Variants in IDE observed in about 807,000 individuals in gnomAD.
The protein encoded by IDE is insulin-degrading enzyme.
IDE carries 58 observed loss-of-function variants against 133.2 expected under a neutral mutation model. The ratio of observed to expected loss-of-function variants is 0.44; its 90% confidence interval spans 0.35 to 0.54. The LOEUF (loss-of-function observed/expected upper bound fraction) is 0.54, where lower values mean the gene tolerates loss of function less well. IDE is among the 20% of genes least tolerant of loss of function. The probability of loss-of-function intolerance (pLI) is 0.00; values close to 1 mark genes in which losing one functional copy is unlikely to be tolerated. For synonymous variants in IDE, 396 were observed against 421.3 expected, an observed-to-expected ratio of 0.94 and a Z score of 0.73; for missense variants, 981 against 1,234.0, an observed-to-expected ratio of 0.79 and a Z score of 3.07.
chr10:92,543,309 G>A (rs115043624), intron 1 of IDE, among the ~76,000 whole-genome samples: 2,011 of 152,270 alleles, frequency 0.013, 48 homozygotes, highest in African/African-American at 0.045. Flanking sequence ...AGGTAAATAA[G>A]CAGAGGGTGA....
In IDE at chr10:92,490,616, C is replaced by A. The variant is rs747731072; in HGVS notation, c.1431-21G>T. On this transcript the variant is annotated intron_variant, in intron 11 of 24. Transcript: ENST00000265986. The stretch of plus-strand genomic sequence containing the variant: ...CAACCCTAGAGATAGAAAAAACAAA[C>A]AAAAAAACCCTGTAAACTCATACTG... 9 of 1,405,758 alleles carry A rather than the reference C, an allele frequency of 6.4e-6. No homozygotes were observed. In the Admixed American group the frequency reaches 7.1e-5, roughly 11 times the overall value. The allele number at this position is 1,405,758 out of a possible 1,614,324, so 87.1% of individuals were successfully genotyped here.
Position 92,534,715 on chromosome 10 carries a change from TG to T in IDE, c.353del (p.Thr118LysfsTer41). On this transcript the variant is annotated frameshift_variant, in exon 3 of 25. Coordinates refer to ENST00000265986, the MANE Select transcript of IDE (RefSeq NM_004969.4). LOFTEE classifies it high-confidence loss of function. Reference sequence around the variant, plus strand: ...ATTCATTTTCTTTAGGGTATTTCTTTGTTCCCAAAAAAAGCATATGTTCACA... The same window carrying T: ...ATTCATTTTCTTTAGGGTATTTCTTTTTCCCAAAAAAAGCATATGTTCACA... ...HFCEHMLFLGTKKYPKENEYS... is the reference protein window; with the variant it reads ...HFCEHMLFLGXKKYPKENEYS... The T allele has an allele frequency of 6.2e-7, 1 of 1,613,934 alleles. No individual in the cohort carries two copies.
At chr10:92,515,647 C>T (rs1326867946) in intron 4 of IDE, among the ~76,000 whole-genome samples, 4 of 150,086 alleles carry the variant, frequency 2.7e-5, no homozygotes, top group African/African-American at 4.9e-5. Context: ...CCCCAACCTC[C>T]GCCTCCCGGG....
intron 21 of IDE, among the ~76,000 whole-genome samples, chr10:92,463,511 C>T (rs1014939267): frequency 6.6e-6 from 1 of 151,832 alleles, no homozygotes; most frequent in African/African-American, 2.4e-5. Context: ...ATGGGTAGAT[C>T]CAGGTCTAGG....
intron 5 of IDE, among the ~76,000 whole-genome samples, chr10:92,513,958 T>C (rs1159267245): frequency 6.6e-6 from 1 of 152,152 alleles, no homozygotes; most frequent in African/African-American, 2.4e-5. Context: ...AGATGGAAAG[T>C]AGAATAGGAA....
At position 92,483,281 on chromosome 10, in the gene IDE, C is replaced by T; in HGVS notation, c.1713G>A (p.Lys571=). Residue 571 remains lysine (K), a synonymous_variant, in exon 14 of 25, where the codon AAG becomes AAA. Transcript: ENST00000265986. ...FKQDDKFFLP[K]ACLNFEFFSP... ...TGAAAAATTCAAAGTTGAGACAAGC[C>T]TTCGGCAAAAAAAACTTATCATCTT... 1 of 1,605,718 alleles carries T rather than the reference C, an allele frequency of 6.2e-7. No homozygotes were observed. Among genetic ancestry groups the T allele is most frequent in the South Asian group, 1.1e-5 (1 of 90,886 alleles).
intron 21 of IDE, 129 bp from the exon 22 acceptor site, chr10:92,461,381 G>A: frequency 2.1e-6 from 1 of 485,126 alleles, no homozygotes; most frequent in Admixed American, 3.5e-5. Context: ...TTGAGACAGA[G>A]TTTCACTCTG....
chr10:92,469,815 C>T (rs775057848), intron 18 of IDE, among the ~76,000 whole-genome samples: 4 of 152,018 alleles, frequency 2.6e-5, no homozygotes, highest in South Asian at 2.1e-4. Flanking sequence ...CCACACATGA[C>T]GTAGGTGCTA....
chr10:92,501,818 T>TA (rs1201985625), intron 11 of IDE, among the ~76,000 whole-genome samples: 6 of 151,500 alleles, frequency 4.0e-5, no homozygotes, highest in East Asian at 1.9e-4. Flanking sequence ...CTACTAAAAA[T>TA]AAAAAAATTA....
chr10:92,557,097 T>C (rs1843049774), intron 1 of IDE, among the ~76,000 whole-genome samples: 1 of 152,034 alleles, frequency 6.6e-6, no homozygotes, highest in South Asian at 2.1e-4. Flanking sequence ...AATTGACAAA[T>C]TGATCCTAAA....
chr10:92,544,381 C>T (rs1454707762), intron 1 of IDE, among the ~76,000 whole-genome samples: 1 of 152,114 alleles, frequency 6.6e-6, no homozygotes, highest in Non-Finnish European at 1.5e-5. Flanking sequence ...TGTTCGCAGT[C>T]ATCCTCTTCA....
intron 1 of IDE, 53 bp downstream of exon 1, chr10:92,573,869 C>A (rs766895949): frequency 7.8e-7 from 1 of 1,287,650 alleles, no homozygotes; most frequent in Non-Finnish European, 1.0e-6. Context: ...ACCCGAGCGC[C>A]AAACCGCTGT....
chr10:92,497,801 C>T (rs1356937260), intron 11 of IDE: 2 of 532,628 alleles, frequency 3.8e-6, no homozygotes, highest in Non-Finnish European at 2.4e-6. Flanking sequence ...AGGAAAAGTG[C>T]TTTCTCTTTA....
intron 1 of IDE, among the ~76,000 whole-genome samples, chr10:92,550,870 A>G (rs1842749685): frequency 6.6e-6 from 1 of 152,166 alleles, no homozygotes; most frequent in Admixed American, 6.5e-5. Flanking sequence ...CTCGGTCTCA[A>G]AAAATAATAT....
chr10:92,555,065 A>G (rs1842946578), intron 1 of IDE: 1 of 152,244 alleles, frequency 6.6e-6, no homozygotes. Flanking sequence ...AAGACAAGCA[A>G]ACAATGAACG....
At chr10:92,484,342 G>A (rs1446992869) in intron 13 of IDE, among the ~76,000 whole-genome samples, 1 of 152,074 alleles carries the variant, frequency 6.6e-6, no homozygotes, top group African/African-American at 2.4e-5. Flanking sequence ...ACCAGGACTC[G>A]GGAGGCAGAG....
At chr10:92,533,206 C>T (rs1403338202) in intron 3 of IDE, among the ~76,000 whole-genome samples, 1 of 152,056 alleles carries the variant, frequency 6.6e-6, no homozygotes, top group African/African-American at 2.4e-5. Context: ...ACAGACATCC[C>T]CCATCATACA....
At chr10:92,560,288 T>G (rs1325263063) in intron 1 of IDE, among the ~76,000 whole-genome samples, 1 of 152,214 alleles carries the variant, frequency 6.6e-6, no homozygotes, top group Non-Finnish European at 1.5e-5. Context: ...GAACGGTGTC[T>G]TCCCAGTGTC....
At chr10:92,504,083 G>A (rs1369076114) in intron 11 of IDE, among the ~76,000 whole-genome samples, 1 of 151,628 alleles carries the variant, frequency 6.6e-6, no homozygotes, top group African/African-American at 2.4e-5. Context: ...TAAAACAACT[G>A]TTCCAAAAAA....
Sources: gnomAD v4.1 joint callset for allele counts (sites outside exome capture counted in the v4.1 genomes callset) on GRCh38, gnomAD v4.1.1 for gene constraint, MANE v1.5 for transcripts, NCBI Gene and HGNC (gene_info 2026-07-23, HGNC 2026-07-21) for gene names.